DCC: variants seen among roughly 807,000 people sequenced by gnomAD.
DCC encodes the protein netrin receptor DCC.
Under a neutral mutation model 172.5 loss-of-function variants are expected in DCC, and 58 were observed. The ratio of observed to expected loss-of-function variants is 0.34; its 90% CI spans 0.27 to 0.42. The LOEUF (loss-of-function observed/expected upper bound fraction) is 0.42. DCC is among the 10% of genes least tolerant of loss of function. DCC has a pLI of 1.00. For synonymous variants in DCC, 709 were observed against 644.5 expected (o/e 1.10, Z -1.52); for missense variants, 1,740 against 1,791.0 (o/e 0.97, Z 0.51).
In DCC at chr18:52,936,412, C is replaced by G. The variant is rs188637597; in HGVS notation, c.985+11042C>G. Among the ~76,000 whole-genome samples, 223 of 121,798 alleles carry G rather than the reference C, an allele frequency of 1.8e-3. 50 individuals carry two copies. Among genetic ancestry groups the G allele is most frequent in the African/African-American group, 6.1e-3 (214 of 35,034 alleles). The allele number at this position is 121,798 out of a possible 152,430, so 79.9% of individuals were successfully genotyped here. ...TGGTAGGATAGGTTTATTTATTACA[C>G]AAATATTTATTTGAGAGTCTACTGT... On this transcript the variant is annotated intron_variant, in intron 5 of 28. Transcript: ENST00000442544.
intron 1 of DCC, among the ~76,000 whole-genome samples, chr18:52,497,088 T>C (rs1165958299): frequency 1.3e-5 from 2 of 150,546 alleles, no homozygotes; most frequent in Non-Finnish European, 3.0e-5. Flanking sequence ...ACTTCATCCC[T>C]TACAGAAAAT....
chr18:52,704,550 G>T (rs972577137), intron 1 of DCC, among the ~76,000 whole-genome samples: 5 of 152,168 alleles, frequency 3.3e-5, no homozygotes, highest in African/African-American at 7.2e-5. Flanking sequence ...GTGATTGAAG[G>T]CTTCCACTGA....
intron 8 of DCC, among the ~76,000 whole-genome samples, chr18:53,178,193 A>G (rs1262920346): frequency 6.6e-6 from 1 of 152,218 alleles, no homozygotes; most frequent in South Asian, 2.1e-4. Context: ...AGAATATTTC[A>G]ATAGTTACCA....
intron 12 of DCC, among the ~76,000 whole-genome samples, chr18:53,248,188 C>G (rs1050866095): frequency 6.6e-6 from 1 of 151,994 alleles, no homozygotes; most frequent in African/African-American, 2.4e-5. Context: ...AACAGCAGCT[C>G]TATTTTGATC....
chr18:53,160,002 A>G (rs1336951119), intron 8 of DCC, among the ~76,000 whole-genome samples: 3 of 152,162 alleles, frequency 2.0e-5, no homozygotes, highest in Admixed American at 2.0e-4. Flanking sequence ...GGCTCAAAGT[A>G]TAGGAAGAAG....
intron 2 of DCC, among the ~76,000 whole-genome samples, chr18:52,766,859 C>T (rs2037260614): frequency 6.6e-6 from 1 of 151,912 alleles, no homozygotes; most frequent in Non-Finnish European, 1.5e-5. Context: ...CAGGGACCGA[C>T]CCTTTTCTGC....
At chr18:52,502,824 T>C (rs1335695488) in intron 1 of DCC, among the ~76,000 whole-genome samples, 1 of 152,222 alleles carries the variant, frequency 6.6e-6, no homozygotes, top group Non-Finnish European at 1.5e-5. Context: ...ATTTGGAATC[T>C]CATATGGAAG....
chr18:52,596,762 T>C (rs529233429), intron 1 of DCC, among the ~76,000 whole-genome samples: 2 of 152,342 alleles, frequency 1.3e-5, no homozygotes, highest in Admixed American at 6.5e-5. Context: ...GCTATACATA[T>C]GCAGGGTTAA....
At chr18:52,420,803 C>T (rs16954940) in intron 1 of DCC, among the ~76,000 whole-genome samples, 7,633 of 152,040 alleles carry the variant, frequency 0.05, 258 homozygotes, top group Middle Eastern at 0.095. Flanking sequence ...GGAAGTCAGC[C>T]TGGCATCATG....
chr18:53,267,565 A>C (rs992428226), intron 12 of DCC, among the ~76,000 whole-genome samples: 2 of 152,008 alleles, frequency 1.3e-5, no homozygotes, highest in African/African-American at 4.8e-5. Context: ...CTGCAGCCTC[A>C]ACCTCCTGGG....
At chr18:52,658,691 T>C (rs955146252) in intron 1 of DCC, among the ~76,000 whole-genome samples, 2 of 152,178 alleles carry the variant, frequency 1.3e-5, no homozygotes, top group African/African-American at 4.8e-5. Flanking sequence ...CAAAAAACTG[T>C]AGCAGAGATT....
chr18:53,089,735 G>A (rs1167416021), intron 7 of DCC, among the ~76,000 whole-genome samples: 1 of 152,030 alleles, frequency 6.6e-6, no homozygotes, highest in Admixed American at 6.6e-5. Flanking sequence ...TAAGAAAATT[G>A]GGCCTAACTT....
At chr18:53,309,296 C>A (rs1177766785) in intron 13 of DCC, among the ~76,000 whole-genome samples, 1 of 152,144 alleles carries the variant, frequency 6.6e-6, no homozygotes, top group Non-Finnish European at 1.5e-5. Context: ...TCCACAGCCT[C>A]CCAAAGTGCT....
chr18:53,140,480 C>A (rs1485770799), intron 7 of DCC, among the ~76,000 whole-genome samples: 2 of 151,900 alleles, frequency 1.3e-5, no homozygotes, highest in East Asian at 3.9e-4. Flanking sequence ...TTAAATATGC[C>A]CCCAAATATA....
chr18:52,754,019 C>T (rs2037038838), intron 2 of DCC: 1 of 152,044 alleles, frequency 6.6e-6, no homozygotes, highest in South Asian at 2.1e-4. Context: ...CTTTAGTTCT[C>T]AATAAAAACA....
chr18:52,456,005 T>C (rs1204342678), intron 1 of DCC, among the ~76,000 whole-genome samples: 3 of 152,226 alleles, frequency 2.0e-5, no homozygotes, highest in Non-Finnish European at 4.4e-5. Flanking sequence ...GGTTAACTTT[T>C]GGTTTTCCTG....
chr18:53,030,931 C>T (rs1450579757), intron 5 of DCC, among the ~76,000 whole-genome samples: 2 of 152,130 alleles, frequency 1.3e-5, no homozygotes, highest in African/African-American at 4.8e-5. Context: ...AATGGGGCCA[C>T]ATTACCTATA....
rs1286972469 is a variant in DCC, at chr18:52,457,145, A to G, written c.91+116267A>G. ...TTGTAATTATGAACTGTGCTTTTAAAAAATTCATCAATGAAATCTTTGATT... is the reference window on the plus strand; with the variant it reads ...TTGTAATTATGAACTGTGCTTTTAAGAAATTCATCAATGAAATCTTTGATT... On this transcript the variant is annotated intron_variant, in intron 1 of 28. Transcript: ENST00000442544. Among the ~76,000 whole-genome samples the G allele has an allele frequency of 2.0e-5, 3 of 152,292 alleles. No individual in the cohort carries two copies. In the East Asian group the frequency reaches 5.8e-4, roughly 29 times the overall value.
intron 18 of DCC, among the ~76,000 whole-genome samples, chr18:53,400,631 CATA>C (rs1568107889): frequency 1.3e-5 from 2 of 151,808 alleles, no homozygotes; most frequent in Non-Finnish European, 2.9e-5. Flanking sequence ...GTGCAGTTCA[CATA>C]ATAATGCTAG....
Sources: allele counts gnomAD v4.1 joint callset (sites outside exome capture counted in the v4.1 genomes callset), GRCh38; gene constraint gnomAD v4.1.1; transcripts MANE v1.5; gene names NCBI Gene and HGNC (gene_info 2026-07-23, HGNC 2026-07-21).